AGBL4: variants seen among roughly 807,000 people sequenced by gnomAD.
AGBL4 encodes the protein AGBL carboxypeptidase 4.
A neutral mutation model predicts 66.4 loss-of-function variants in AGBL4; 58 were observed. The observed-to-expected ratio is 0.87, with a 90% CI of 0.71 to 1.09. The LOEUF (loss-of-function observed/expected upper bound fraction) is 1.09. AGBL4 is among the 50% of genes least tolerant of loss of function. The probability of loss-of-function intolerance (pLI) is 0.00; values close to 1 mark genes in which losing one functional copy is unlikely to be tolerated. For synonymous variants in AGBL4, 234 were observed against 222.9 expected (o/e 1.05, Z -0.44); for missense variants, 579 against 631.0 (o/e 0.92, Z 0.88).
intron 4 of AGBL4, among the ~76,000 whole-genome samples, chr1:49,195,610 C>A (rs1647217668): frequency 6.6e-6 from 1 of 152,144 alleles, no homozygotes; most frequent in South Asian, 2.1e-4. Context: ...TGACTTTACA[C>A]ACTCAGATGA....
At chr1:48,814,609 C>CTT (rs10708061) in intron 6 of AGBL4, among the ~76,000 whole-genome samples, 1 of 131,648 alleles carries the variant, frequency 7.6e-6, no homozygotes, top group Non-Finnish European at 1.7e-5. Context: ...ATGAGATCAA[C>CTT]TTTTTTTTTT....
intron 3 of AGBL4, among the ~76,000 whole-genome samples, chr1:49,509,163 G>A (rs1648966863): frequency 6.6e-6 from 1 of 151,792 alleles, no homozygotes. Flanking sequence ...GGTTGCCCTT[G>A]AAAGAGGCTT....
chr1:49,842,128 C>T, intron 2 of AGBL4: 1 of 359,660 alleles, frequency 2.8e-6, no homozygotes, highest in Admixed American at 4.0e-5. Context: ...CAACCACAGC[C>T]TCTGCCTCTG....
intron 1 of AGBL4, among the ~76,000 whole-genome samples, chr1:49,851,994 C>T (rs1646316803): frequency 1.3e-5 from 2 of 152,126 alleles, no homozygotes; most frequent in African/African-American, 4.8e-5. Flanking sequence ...CTTCCAGATG[C>T]TCCACCAGAA....
chr1:48,836,295 C>CAA lies in AGBL4; in HGVS notation c.634+30894_634+30895dup, dbSNP rs33961883. On this transcript the variant is annotated intron_variant, in intron 6 of 13. Transcript: ENST00000371839. ...CACCAGGGAGGCTACTAAGTTTCCT[C>CAA]AAAAAAAAAAAAAAAAAAAAAGTAG... is the stretch of plus-strand genomic sequence containing the variant. Among the ~76,000 whole-genome samples, 114 of 100,630 alleles carry CAA rather than the reference C, an allele frequency of 1.1e-3. 1 individual carries two copies. The highest frequency in any genetic ancestry group is 2.2e-3 in the African/African-American group (62 of 28,126). The allele number at this position is 100,630 out of a possible 152,430, so 66.0% of individuals were successfully genotyped here.
chr1:49,856,025 C>CAAAT (rs1646424090), intron 1 of AGBL4, among the ~76,000 whole-genome samples: 1 of 111,078 alleles, frequency 9.0e-6, no homozygotes, highest in Admixed American at 1.0e-4. Context: ...AGAGAAGACT[C>CAAAT]AAATAAATAA....
intron 1 of AGBL4, among the ~76,000 whole-genome samples, chr1:49,955,332 G>A (rs1319206344): frequency 1.3e-5 from 2 of 151,910 alleles, no homozygotes; most frequent in African/African-American, 2.4e-5. Context: ...ATCCATTTGT[G>A]ATTGTAATAA....
At chr1:49,424,616 C>A (rs564670869) in intron 3 of AGBL4, among the ~76,000 whole-genome samples, 2 of 152,222 alleles carry the variant, frequency 1.3e-5, no homozygotes, top group East Asian at 3.9e-4. Context: ...GAAATTAACC[C>A]AGTTCCAGCA....
intron 6 of AGBL4, among the ~76,000 whole-genome samples, chr1:48,737,890 C>T (rs1017222736): frequency 3.9e-5 from 6 of 152,086 alleles, no homozygotes; most frequent in African/African-American, 1.2e-4. Flanking sequence ...GCGGCAGCTG[C>T]TAATGAGCTA....
At chr1:49,760,572 G>C (rs1056225704) in intron 2 of AGBL4, among the ~76,000 whole-genome samples, 8 of 152,142 alleles carry the variant, frequency 5.3e-5, no homozygotes, top group African/African-American at 1.9e-4. Flanking sequence ...CATTGTTGGT[G>C]GAAATGTAAA....
rs531953642 is a variant in AGBL4 at position 48,772,222 on chromosome 1, A to C, written c.634+94969T>G. ...AACAAGACATAAAATGCTACAATCC[A>C]TAAGCAAGGCAAAACCAAAGTGAAA... On this transcript the variant is annotated intron_variant, in intron 6 of 13. Coordinates refer to ENST00000371839, the MANE Select transcript of AGBL4 (RefSeq NM_032785.4). Among the ~76,000 whole-genome samples the C allele has an allele frequency of 8.5e-4, 130 of 152,386 alleles. 1 individual carries two copies. Among genetic ancestry groups the C allele is most frequent in the African/African-American group, 2.8e-3 (117 of 41,594 alleles).
At chr1:48,777,122 A>T (rs1471183220) in intron 6 of AGBL4, among the ~76,000 whole-genome samples, 3 of 152,158 alleles carry the variant, frequency 2.0e-5, no homozygotes, top group Non-Finnish European at 2.9e-5. Context: ...GAGCAATCAC[A>T]GCCGGAGCGC....
At chr1:48,846,494 C>G (rs1008246302) in intron 6 of AGBL4, among the ~76,000 whole-genome samples, 1 of 152,176 alleles carries the variant, frequency 6.6e-6, no homozygotes, top group African/African-American at 2.4e-5. Flanking sequence ...TTCACACTGA[C>G]CTTAACCCTC....
chr1:50,003,073 T>C (rs150309577), intron 1 of AGBL4, among the ~76,000 whole-genome samples: 133 of 152,292 alleles, frequency 8.7e-4, no homozygotes, highest in African/African-American at 3.2e-3. Flanking sequence ...CCACCCCATA[T>C]TAACTCATGT....
intron 2 of AGBL4, among the ~76,000 whole-genome samples, chr1:49,764,968 T>C (rs545562558): frequency 1.3e-4 from 20 of 152,228 alleles, no homozygotes; most frequent in African/African-American, 4.3e-4. Flanking sequence ...TGAGCCTATA[T>C]AGGATGCAGA....
intron 3 of AGBL4, among the ~76,000 whole-genome samples, chr1:49,434,899 G>T (rs1263353546): frequency 1.3e-5 from 2 of 151,828 alleles, no homozygotes; most frequent in Admixed American, 6.6e-5. Context: ...TCTCACTCTG[G>T]CATTCCCAAG....
rs533244419 is a variant in AGBL4, at chr1:50,011,295, C to CA, written c.34+12467dup. Reference sequence around the variant, plus strand: ...AGGCATACGAAAAGGTGTTTGACATCATTGATCATCAGAGAAGTGCAAATC... The same window carrying CA: ...AGGCATACGAAAAGGTGTTTGACATCAATTGATCATCAGAGAAGTGCAAATC... On this transcript the variant is annotated intron_variant, in intron 1 of 13. Coordinates refer to ENST00000371839, the MANE Select transcript of AGBL4 (RefSeq NM_032785.4). 2.9e-3 allele frequency among the ~76,000 whole-genome samples: 434 copies of CA among 152,260 alleles called. 5 individuals are homozygous for CA. Among genetic ancestry groups the CA allele is most frequent in the Non-Finnish European group, 3.7e-3 (251 of 68,018 alleles).
At chr1:49,683,580 A>G (rs1345168558) in intron 3 of AGBL4, among the ~76,000 whole-genome samples, 2 of 152,200 alleles carry the variant, frequency 1.3e-5, no homozygotes, top group African/African-American at 4.8e-5. Context: ...ATCATATGAT[A>G]ACCATGCTAT....
At chr1:48,972,718 G>T (rs747905107) in intron 5 of AGBL4, among the ~76,000 whole-genome samples, 1 of 152,152 alleles carries the variant, frequency 6.6e-6, no homozygotes, top group Non-Finnish European at 1.5e-5. Context: ...CTGTGACCAA[G>T]ATCAGTGATC....
Sources: allele counts gnomAD v4.1 joint callset (sites outside exome capture counted in the v4.1 genomes callset), GRCh38; gene constraint gnomAD v4.1.1; transcripts MANE v1.5; gene names NCBI Gene and HGNC (gene_info 2026-07-23, HGNC 2026-07-21).